Variants in THSD4 observed in about 807,000 individuals in gnomAD.
The protein encoded by THSD4 is thrombospondin type-1 domain-containing protein 4.
THSD4 carries 69 observed loss-of-function variants against 119.0 expected under a neutral mutation model. That is an observed-to-expected ratio of 0.58 (90% confidence interval 0.48 to 0.71). THSD4 has a LOEUF of 0.71. Among genes scored for constraint, THSD4 ranks in the 30% least tolerant of loss-of-function variants. The probability of loss-of-function intolerance (pLI) is 0.00; values close to 1 mark genes in which losing one functional copy is unlikely to be tolerated. For missense variants in THSD4, 1,393 were observed against 1,391.1 expected (o/e 1.00, Z -0.02); for synonymous variants, 524 against 540.4 (o/e 0.97, Z 0.42).
At chr15:71,277,597 G>C (rs1323026867) in intron 6 of THSD4, among the ~76,000 whole-genome samples, 1 of 152,102 alleles carries the variant, frequency 6.6e-6, no homozygotes, top group East Asian at 1.9e-4. Context: ...CCAAATACTT[G>C]GTAATTGAGT....
At chr15:71,303,567 G>A (rs983703978) in intron 6 of THSD4, among the ~76,000 whole-genome samples, 1 of 152,218 alleles carries the variant, frequency 6.6e-6, no homozygotes, top group African/African-American at 2.4e-5. Flanking sequence ...CCTGACAGAA[G>A]TTGATATTTG....
chr15:71,130,034 GTGAA>G (rs2040489205), intron 1 of THSD4, among the ~76,000 whole-genome samples: 1 of 152,330 alleles, frequency 6.6e-6, no homozygotes, highest in South Asian at 2.1e-4. Context: ...CTGTTCCAGA[GTGAA>G]TGGGGCAGAG....
chr15:71,655,333 ATTTTG>A (rs2051168538), intron 7 of THSD4, among the ~76,000 whole-genome samples: 1 of 152,072 alleles, frequency 6.6e-6, no homozygotes, highest in Non-Finnish European at 1.5e-5. Context: ...ACCTTGGCCG[ATTTTG>A]TTTTGTTTTG....
At chr15:71,693,438 G>A (rs2141055774) in intron 8 of THSD4, among the ~76,000 whole-genome samples, 2 of 152,334 alleles carry the variant, frequency 1.3e-5, no homozygotes, top group Middle Eastern at 3.4e-3. Flanking sequence ...CTTGAGCCCA[G>A]GAGTTCAAGA....
intron 7 of THSD4, among the ~76,000 whole-genome samples, chr15:71,633,810 G>A (rs898216500): frequency 1.2e-4 from 18 of 152,158 alleles, no homozygotes; most frequent in African/African-American, 4.3e-4. Flanking sequence ...AGATAAGCCT[G>A]GTCTAGTCCA....
intron 8 of THSD4, among the ~76,000 whole-genome samples, chr15:71,709,494 T>C (rs1288648634): frequency 1.3e-5 from 2 of 152,142 alleles, no homozygotes; most frequent in Non-Finnish European, 2.9e-5. Context: ...GTCCTAGTTA[T>C]TACCTTCCAG....
chr15:71,317,163 C>T (rs942835117), intron 6 of THSD4, among the ~76,000 whole-genome samples: 8 of 152,156 alleles, frequency 5.3e-5, no homozygotes, highest in African/African-American at 1.9e-4. Flanking sequence ...CTCCCTTAAC[C>T]TCTGAAACAT....
intron 6 of THSD4, among the ~76,000 whole-genome samples, chr15:71,402,277 C>T (rs1039635124): frequency 1.3e-5 from 2 of 151,838 alleles, no homozygotes; most frequent in Admixed American, 1.3e-4. Context: ...TTATCCTCTC[C>T]CTAGACCTCA....
chr15:71,489,364 A>G (rs1325591600), intron 7 of THSD4, among the ~76,000 whole-genome samples: 2 of 152,144 alleles, frequency 1.3e-5, no homozygotes, highest in African/African-American at 4.8e-5. Context: ...TGTATTTAAA[A>G]TGTATTTAAA....
intron 1 of THSD4, among the ~76,000 whole-genome samples, chr15:71,100,392 C>G (rs1396630635): frequency 6.6e-6 from 1 of 152,152 alleles, no homozygotes; most frequent in Non-Finnish European, 1.5e-5. Flanking sequence ...GGCCTTCAAT[C>G]CAACAGCCCA....
At chr15:71,238,955 T>C (rs2044129700) in intron 4 of THSD4, among the ~76,000 whole-genome samples, 1 of 152,220 alleles carries the variant, frequency 6.6e-6, no homozygotes, top group South Asian at 2.1e-4. Context: ...CACACTATTA[T>C]CTGTCTTTTT....
chr15:71,135,744 G>A (rs996153449), intron 1 of THSD4, among the ~76,000 whole-genome samples: 13 of 152,082 alleles, frequency 8.5e-5, no homozygotes, highest in African/African-American at 3.1e-4. Flanking sequence ...AGATGGGGGT[G>A]GAGGGGACAC....
chr15:71,741,264 G>A (rs868781021), intron 11 of THSD4, among the ~76,000 whole-genome samples: 16 of 152,284 alleles, frequency 1.1e-4, no homozygotes, highest in African/African-American at 2.9e-4. Flanking sequence ...GCCAAGGCAG[G>A]TGTATCACTT....
intron 6 of THSD4, among the ~76,000 whole-genome samples, chr15:71,323,262 G>C (rs532954427): frequency 6.6e-6 from 1 of 152,208 alleles, no homozygotes; most frequent in Admixed American, 6.5e-5. Context: ...GGCGCCAATC[G>C]CAGGGGGCCA....
chr15:71,246,444 G>T (rs896580599), intron 5 of THSD4, among the ~76,000 whole-genome samples: 1 of 152,104 alleles, frequency 6.6e-6, no homozygotes, highest in Non-Finnish European at 1.5e-5. Flanking sequence ...TTACCTTTAC[G>T]CAGTGACAAA....
chr15:71,513,911 C>A (rs1342037291), intron 7 of THSD4, among the ~76,000 whole-genome samples: 1 of 152,154 alleles, frequency 6.6e-6, no homozygotes. Context: ...CAAAAGAAGC[C>A]AAACACACAA....
chr15:71,419,963 A>G (rs781672856), intron 7 of THSD4, among the ~76,000 whole-genome samples: 1 of 108,408 alleles, frequency 9.2e-6, no homozygotes, highest in African/African-American at 3.1e-5. Flanking sequence ...CTGTTGGATG[A>G]AATGTTCTGT....
chr15:71,257,140 A>G (rs1019176543), intron 6 of THSD4, among the ~76,000 whole-genome samples: 3 of 152,102 alleles, frequency 2.0e-5, no homozygotes, highest in Non-Finnish European at 4.4e-5. Flanking sequence ...TATGGTTCTC[A>G]CCTGTAGGGG....
chr15:71,337,835 T>C (rs2045508409), intron 6 of THSD4, among the ~76,000 whole-genome samples: 1 of 152,092 alleles, frequency 6.6e-6, no homozygotes, highest in Non-Finnish European at 1.5e-5. Context: ...TGCAATGTGA[T>C]GTAGGCAGAA....
Sources: allele counts gnomAD v4.1 joint callset (sites outside exome capture counted in the v4.1 genomes callset), GRCh38; gene constraint gnomAD v4.1.1; transcripts MANE v1.5; gene names NCBI Gene and HGNC (gene_info 2026-07-23, HGNC 2026-07-21).